ROBO2: variants seen among roughly 807,000 people sequenced by gnomAD.
ROBO2 encodes the protein roundabout guidance receptor 2.
Under a neutral mutation model 160.8 loss-of-function variants are expected in ROBO2, and 53 were observed. That is an observed-to-expected ratio of 0.33 (90% CI 0.26 to 0.41). The LOEUF (loss-of-function observed/expected upper bound fraction) is 0.41, where lower values mean the gene tolerates loss of function less well. Among genes scored for constraint, ROBO2 ranks in the 10% least tolerant of loss-of-function variants. ROBO2 has a pLI of 1.00. For synonymous variants in ROBO2, 664 were observed against 611.7 expected, an observed-to-expected ratio of 1.09 and a Z score of -1.26; for missense variants, 1,577 against 1,722.4, an observed-to-expected ratio of 0.92 and a Z score of 1.49.
At chr3:77,473,264 T>C (rs2083544517) in intron 2 of ROBO2, among the ~76,000 whole-genome samples, 1 of 151,768 alleles carries the variant, frequency 6.6e-6, no homozygotes, top group Admixed American at 6.6e-5. Flanking sequence ...GCCTGCTTTT[T>C]TACTGCACCT....
At chr3:76,089,958 T>C (rs902289443) in intron 2 of ROBO2, among the ~76,000 whole-genome samples, 2 of 152,090 alleles carry the variant, frequency 1.3e-5, no homozygotes, top group African/African-American at 4.8e-5. Context: ...TCCTGGAATA[T>C]TAGTGATTAT....
chr3:76,543,586 A>G (rs1266135373), intron 2 of ROBO2, among the ~76,000 whole-genome samples: 1 of 152,090 alleles, frequency 6.6e-6, no homozygotes, highest in East Asian at 1.9e-4. Flanking sequence ...GCCATTTGCT[A>G]GCTCTATAAC....
intron 2 of ROBO2, among the ~76,000 whole-genome samples, chr3:76,499,635 C>T (rs2080352215): frequency 6.6e-6 from 1 of 152,226 alleles, no homozygotes; most frequent in Non-Finnish European, 1.5e-5. Flanking sequence ...ATTCTTCCTG[C>T]AGCCATTCTG....
intron 2 of ROBO2, among the ~76,000 whole-genome samples, chr3:76,569,484 G>C (rs1338624595): frequency 6.6e-6 from 1 of 152,162 alleles, no homozygotes; most frequent in East Asian, 1.9e-4. Context: ...AAAAACATCA[G>C]ATTTCAGAGA....
intron 2 of ROBO2, among the ~76,000 whole-genome samples, chr3:76,589,659 C>T (rs2086289495): frequency 6.6e-6 from 1 of 152,164 alleles, no homozygotes; most frequent in Non-Finnish European, 1.5e-5. Flanking sequence ...TAGGGCTATA[C>T]TACAATGTTA....
intron 2 of ROBO2, among the ~76,000 whole-genome samples, chr3:76,259,761 C>A (rs1706626139): frequency 6.6e-6 from 1 of 152,072 alleles, no homozygotes. Context: ...CAAGGCATCC[C>A]CCTGGGCCCA....
At chr3:76,057,313 G>A (rs2067882457) in intron 2 of ROBO2, among the ~76,000 whole-genome samples, 2 of 152,112 alleles carry the variant, frequency 1.3e-5, no homozygotes, top group Admixed American at 6.6e-5. Context: ...TGTTCCTTCA[G>A]TAATTCAATA....
chr3:77,228,177 C>T (rs1450205366), intron 2 of ROBO2, among the ~76,000 whole-genome samples: 1 of 151,738 alleles, frequency 6.6e-6, no homozygotes, highest in Non-Finnish European at 1.5e-5. Context: ...ATTTTTGTTT[C>T]TTTTTTTGAG....
intron 2 of ROBO2, chr3:76,434,905 C>T: frequency 6.3e-7 from 1 of 1,599,990 alleles, no homozygotes; most frequent in African/African-American, 1.3e-5. Flanking sequence ...CCATTCTCTG[C>T]ACCTAAACCC....
At chr3:76,686,807 G>T (rs890175848) in intron 2 of ROBO2, among the ~76,000 whole-genome samples, 25 of 151,262 alleles carry the variant, frequency 1.7e-4, no homozygotes, top group African/African-American at 6.1e-4. Context: ...AAAAGAAAAA[G>T]AAAAAAAAGT....
At chr3:76,066,325 C>A (rs1396103101) in intron 2 of ROBO2, among the ~76,000 whole-genome samples, 1 of 152,024 alleles carries the variant, frequency 6.6e-6, no homozygotes, top group Non-Finnish European at 1.5e-5. Flanking sequence ...TGTAGTCTTA[C>A]ACCAATTTAT....
intron 2 of ROBO2, among the ~76,000 whole-genome samples, chr3:76,028,208 T>C (rs1174472133): frequency 6.6e-6 from 1 of 150,702 alleles, no homozygotes; most frequent in Admixed American, 6.7e-5. Flanking sequence ...ATAAAATACA[T>C]GCTATAGAAT....
intron 2 of ROBO2, among the ~76,000 whole-genome samples, chr3:77,446,652 A>G (rs2080554762): frequency 6.6e-6 from 1 of 152,044 alleles, no homozygotes; most frequent in Non-Finnish European, 1.5e-5. Flanking sequence ...TTCTACTACA[A>G]TGAAACTATT....
chr3:76,702,973 A>G (rs1463972531), intron 2 of ROBO2, among the ~76,000 whole-genome samples: 2 of 152,142 alleles, frequency 1.3e-5, no homozygotes, highest in African/African-American at 4.8e-5. Flanking sequence ...TTAACAGAAC[A>G]CAGAGATGTT....
At chr3:77,152,243 C>A (rs929765083) in intron 2 of ROBO2, among the ~76,000 whole-genome samples, 1 of 151,982 alleles carries the variant, frequency 6.6e-6, no homozygotes, top group Non-Finnish European at 1.5e-5. Flanking sequence ...CAATGTAAGC[C>A]ATATAAATCA....
chr3:76,748,066 G>C (rs1241216113), intron 2 of ROBO2, among the ~76,000 whole-genome samples: 1 of 151,878 alleles, frequency 6.6e-6, no homozygotes, highest in African/African-American at 2.4e-5. Context: ...AGGTTGCTAA[G>C]GGGACTAGTC....
At chr3:76,475,717 C>A (rs1366974850) in intron 2 of ROBO2, among the ~76,000 whole-genome samples, 1 of 152,126 alleles carries the variant, frequency 6.6e-6, no homozygotes, top group Non-Finnish European at 1.5e-5. Flanking sequence ...CGTGAAGTAA[C>A]CTAAATGAGA....
rs368291544 is a variant in ROBO2 at position 77,474,920 on chromosome 3, T to C, written c.389-2494T>C. Among the ~76,000 whole-genome samples, 54 of 152,278 alleles carry C rather than the reference T, an allele frequency of 3.5e-4. No individual in the cohort carries two copies. The East Asian group carries it at 7.4e-3, about 21-fold the overall frequency. On this transcript the variant is annotated intron_variant, in intron 2 of 25. Transcript: ENST00000461745. ...CTTTTCTTACATTTATGAATGTAAA[T>C]ACAGACCCCAGAAACATATAAACAA...
At chr3:77,491,429 C>A (rs537066191) in intron 4 of ROBO2, among the ~76,000 whole-genome samples, 2 of 152,232 alleles carry the variant, frequency 1.3e-5, no homozygotes, top group African/African-American at 4.8e-5. Context: ...CAGAAGAAGT[C>A]GATCCCGCTT....
Sources: allele counts gnomAD v4.1 joint callset (sites outside exome capture counted in the v4.1 genomes callset), GRCh38; gene constraint gnomAD v4.1.1; transcripts MANE v1.5; gene names NCBI Gene and HGNC (gene_info 2026-07-23, HGNC 2026-07-21).